Variants in CDK19 observed in about 807,000 individuals in gnomAD.
CDK19 encodes cyclin-dependent kinase 19.
A neutral mutation model predicts 68.3 loss-of-function variants in CDK19; 20 were observed. The ratio of observed to expected loss-of-function variants is 0.29; its 90% confidence interval spans 0.21 to 0.43. CDK19 has a LOEUF of 0.43. Ranked by LOEUF, CDK19 falls within the 20% of genes least tolerant of loss-of-function variation. The pLI, the probability that CDK19 is intolerant of heterozygous loss-of-function variation, is 1.00. For synonymous variants in CDK19, 221 were observed against 222.8 expected, an observed-to-expected ratio of 0.99 and a Z score of 0.07; for missense variants, 339 against 623.5, an observed-to-expected ratio of 0.54 and a Z score of 4.86.
chr6:110,808,722 T>C (rs183936775), intron 1 of CDK19, among the ~76,000 whole-genome samples: 2 of 152,304 alleles, frequency 1.3e-5, no homozygotes, highest in East Asian at 1.9e-4. Context: ...TTTTTTACCA[T>C]AAACCCATAA....
intron 1 of CDK19, among the ~76,000 whole-genome samples, chr6:110,778,517 TA>T (rs1436794705): frequency 1.3e-5 from 2 of 152,226 alleles, no homozygotes; most frequent in Non-Finnish European, 2.9e-5. Context: ...TACTCAGAGT[TA>T]GTACAGAGTT....
chr6:110,801,148 C>T (rs1782313876), intron 1 of CDK19, among the ~76,000 whole-genome samples: 2 of 152,076 alleles, frequency 1.3e-5, no homozygotes, highest in Admixed American at 1.3e-4. Flanking sequence ...TTTCTATACA[C>T]CAATAACATT....
chr6:110,763,422 T>G (rs1170842333), intron 1 of CDK19, among the ~76,000 whole-genome samples: 2 of 149,746 alleles, frequency 1.3e-5, no homozygotes, highest in Non-Finnish European at 3.0e-5. Context: ...ATGTTTTTTT[T>G]TTTTTTTTTT....
At chr6:110,701,505 T>C (rs952432301) in intron 2 of CDK19, among the ~76,000 whole-genome samples, 3 of 150,992 alleles carry the variant, frequency 2.0e-5, no homozygotes, top group African/African-American at 4.9e-5. Flanking sequence ...TGAGCCGAGA[T>C]TGCACCACTG....
chr6:110,642,539 A>G (rs1045756739), intron 4 of CDK19, among the ~76,000 whole-genome samples: 2 of 152,228 alleles, frequency 1.3e-5, no homozygotes, highest in African/African-American at 4.8e-5. Flanking sequence ...ACAACATATC[A>G]TATACTGATA....
At chr6:110,686,341 G>T (rs1246482102) in intron 2 of CDK19, among the ~76,000 whole-genome samples, 1 of 152,174 alleles carries the variant, frequency 6.6e-6, no homozygotes, top group African/African-American at 2.4e-5. Flanking sequence ...GAGAATTTGA[G>T]CATTAATCAG....
At chr6:110,803,124 G>T (rs1782448274) in intron 1 of CDK19, among the ~76,000 whole-genome samples, 1 of 151,962 alleles carries the variant, frequency 6.6e-6, no homozygotes, top group African/African-American at 2.4e-5. Flanking sequence ...CTGTAGCCCA[G>T]GCTGGAGGGC....
chr6:110,784,057 G>A (rs1261876853), intron 1 of CDK19, among the ~76,000 whole-genome samples: 1 of 150,690 alleles, frequency 6.6e-6, no homozygotes, highest in Admixed American at 6.6e-5. Context: ...TACTCGGGAG[G>A]CTGAGGCAAG....
intron 1 of CDK19, among the ~76,000 whole-genome samples, chr6:110,753,447 G>A (rs9487511): frequency 0.014 from 2,077 of 151,108 alleles, 59 homozygotes; most frequent in African/African-American, 0.048. Flanking sequence ...GCAGTAGCGC[G>A]ATCATGGCTC....
chr6:110,618,211 G>C (rs985359836), intron 12 of CDK19, among the ~76,000 whole-genome samples: 2 of 152,062 alleles, frequency 1.3e-5, no homozygotes, highest in Non-Finnish European at 2.9e-5. Flanking sequence ...TCGGCTCACT[G>C]CACCTCTGCC....
intron 2 of CDK19, among the ~76,000 whole-genome samples, chr6:110,734,033 G>GT (rs1244670372): frequency 2.0e-5 from 3 of 151,588 alleles, no homozygotes; most frequent in East Asian, 3.9e-4. Flanking sequence ...GTTTTTGTTT[G>GT]TTTTTTTGAG....
intron 1 of CDK19, among the ~76,000 whole-genome samples, chr6:110,773,225 G>A (rs1375065791): frequency 5.3e-5 from 8 of 151,810 alleles, no homozygotes; most frequent in Admixed American, 6.6e-5. Flanking sequence ...CGTGTCTGTA[G>A]TTCCAGCTAC....
At chr6:110,799,952 T>C (rs1030084620) in intron 1 of CDK19, among the ~76,000 whole-genome samples, 8 of 152,122 alleles carry the variant, frequency 5.3e-5, no homozygotes, top group African/African-American at 1.9e-4. Flanking sequence ...GCAGAACCCA[T>C]AGATAGAGAG....
intron 4 of CDK19, among the ~76,000 whole-genome samples, chr6:110,648,533 CTTTTCT>C (rs1369661067): frequency 1.5e-5 from 2 of 134,546 alleles, no homozygotes; most frequent in African/African-American, 5.4e-5. Flanking sequence ...AATCTTTTTT[CTTTTCT>C]TTTTTTTTTT....
At chr6:110,726,357 T>C (rs1247718056) in intron 2 of CDK19, among the ~76,000 whole-genome samples, 3 of 152,206 alleles carry the variant, frequency 2.0e-5, no homozygotes, top group Admixed American at 6.5e-5. Context: ...GAAAGGACAC[T>C]GATGTGTGTT....
At chr6:110,738,677 C>T (rs1046228285) in intron 2 of CDK19, among the ~76,000 whole-genome samples, 15 of 151,918 alleles carry the variant, frequency 9.9e-5, no homozygotes, top group African/African-American at 3.6e-4. Flanking sequence ...GAATTAGAGC[C>T]TTGGCTTATA....
At chr6:110,637,492 T>G (rs902967292) in intron 5 of CDK19, among the ~76,000 whole-genome samples, 7 of 152,292 alleles carry the variant, frequency 4.6e-5, no homozygotes, top group Admixed American at 3.9e-4. Context: ...GGGAGTTAAC[T>G]GAAAAAGTAG....
At chr6:110,791,914 G>A (rs1011563814) in intron 1 of CDK19, among the ~76,000 whole-genome samples, 1 of 151,994 alleles carries the variant, frequency 6.6e-6, no homozygotes, top group African/African-American at 2.4e-5. Context: ...CCAAAGTGCT[G>A]GGATTACAGG....
chr6:110,754,074 G>T (rs904755915), intron 1 of CDK19, among the ~76,000 whole-genome samples: 1 of 149,682 alleles, frequency 6.7e-6, no homozygotes, highest in Admixed American at 6.7e-5. Flanking sequence ...CTGTCACCCA[G>T]GTTGGAGTGC....
Sources: allele counts gnomAD v4.1 joint callset (sites outside exome capture counted in the v4.1 genomes callset), GRCh38; gene constraint gnomAD v4.1.1; transcripts MANE v1.5; gene names NCBI Gene and HGNC (gene_info 2026-07-23, HGNC 2026-07-21).